LAMA2: variants seen among roughly 807,000 people sequenced by gnomAD.
LAMA2 encodes laminin subunit alpha 2, also known as laminin subunit alpha-2.
In LAMA2, 269 loss-of-function variants were observed where a neutral mutation model predicts 364.8. The ratio of observed to expected loss-of-function variants is 0.74; its 90% confidence interval spans 0.67 to 0.82. The LOEUF (loss-of-function observed/expected upper bound fraction) is 0.82. Among genes scored for constraint, LAMA2 ranks in the 40% least tolerant of loss-of-function variants. The probability of loss-of-function intolerance (pLI) is 0.00; values close to 1 mark genes in which losing one functional copy is unlikely to be tolerated. For missense variants in LAMA2, 3,807 were observed against 3,873.2 expected, an observed-to-expected ratio of 0.98 and a Z score of 0.45; for synonymous variants, 1,379 against 1,370.6, an observed-to-expected ratio of 1.01 and a Z score of -0.14.
At chr6:129,260,631 A>G (rs1787051320) in intron 14 of LAMA2, 80 bp from the exon 15 acceptor site, 1 of 869,108 alleles carries the variant, frequency 1.2e-6, no homozygotes, top group Non-Finnish European at 2.0e-6. Context: ...TATTTATGTC[A>G]TTGTTGCTGT....
At chr6:129,290,009 A>G (rs1008052168) in intron 19 of LAMA2, among the ~76,000 whole-genome samples, 2 of 152,182 alleles carry the variant, frequency 1.3e-5, no homozygotes, top group Non-Finnish European at 2.9e-5. Flanking sequence ...GATTTGTTCA[A>G]GAAAAGTACA....
intron 27 of LAMA2, among the ~76,000 whole-genome samples, chr6:129,320,139 ATAAAT>A (rs1327655259): frequency 6.6e-6 from 1 of 151,484 alleles, no homozygotes; most frequent in African/African-American, 2.4e-5. Context: ...TCTCAAATAA[ATAAAT>A]AAATAAATAA....
chr6:129,479,980 A>G (rs554579760), intron 54 of LAMA2: 3 of 152,302 alleles, frequency 2.0e-5, no homozygotes, highest in Admixed American at 1.3e-4. Context: ...TCTCATTCAC[A>G]TTCAAAAGAT....
chr6:128,897,584 T>G (rs1003115817), intron 1 of LAMA2, among the ~76,000 whole-genome samples: 1 of 152,222 alleles, frequency 6.6e-6, no homozygotes, highest in Non-Finnish European at 1.5e-5. Flanking sequence ...AGTTATTAAC[T>G]TAATCATTAA....
intron 48 of LAMA2, among the ~76,000 whole-genome samples, chr6:129,458,655 G>A (rs897418839): frequency 6.6e-6 from 1 of 151,968 alleles, no homozygotes; most frequent in African/African-American, 2.4e-5. Flanking sequence ...GTGCAAGTCA[G>A]GGGCTCCGAT....
At chr6:129,048,604 T>TTCTC (rs59707849) in intron 1 of LAMA2, among the ~76,000 whole-genome samples, 54 of 133,240 alleles carry the variant, frequency 4.1e-4, no homozygotes, top group African/African-American at 1.4e-3. Context: ...CTTCCTTCCT[T>TTCTC]TCTCTCTCTC....
At chr6:128,927,368 C>T (rs891315390) in intron 1 of LAMA2, among the ~76,000 whole-genome samples, 22 of 152,218 alleles carry the variant, frequency 1.4e-4, no homozygotes, top group Non-Finnish European at 2.4e-4. Flanking sequence ...TTTTTAAATA[C>T]TGGTTTTGAC....
At chr6:128,904,818 T>C (rs953263657) in intron 1 of LAMA2, among the ~76,000 whole-genome samples, 7 of 152,170 alleles carry the variant, frequency 4.6e-5, no homozygotes, top group Admixed American at 1.3e-4. Flanking sequence ...ACATGAAACA[T>C]GTTCTGCATC....
At position 128,903,941 on chromosome 6, in the gene LAMA2, TC is replaced by T. The variant is rs759472438; in HGVS notation, c.112+20586del. Among the ~76,000 whole-genome samples the T allele has an allele frequency of 2.6e-5, 4 of 152,270 alleles. No individual in the cohort carries two copies. The South Asian group carries it at 6.2e-4, about 24-fold the overall frequency. ...CCCTAGCAGAGCTCAGAAGTAGGCA[TC>T]CAGCTGCAGGTAATTGTGTTTTGGG... On this transcript the variant is annotated intron_variant, in intron 1 of 64. Coordinates refer to ENST00000421865, the MANE Select transcript of LAMA2 (RefSeq NM_000426.4).
chr6:129,271,223 G>C (rs908518982), intron 17 of LAMA2, among the ~76,000 whole-genome samples: 4 of 151,990 alleles, frequency 2.6e-5, no homozygotes, highest in Non-Finnish European at 5.9e-5. Context: ...TGACTTTTAA[G>C]TACCCATTCT....
At chr6:129,384,271 A>G (rs1209803159) in intron 35 of LAMA2, among the ~76,000 whole-genome samples, 33 of 152,170 alleles carry the variant, frequency 2.2e-4, no homozygotes, top group Non-Finnish European at 1.5e-5. Context: ...TTTTCCATTA[A>G]TGCTACTTGA....
intron 20 of LAMA2, among the ~76,000 whole-genome samples, chr6:129,294,188 C>A (rs113926742): frequency 6.6e-6 from 1 of 152,144 alleles, no homozygotes; most frequent in African/African-American, 2.4e-5. Context: ...CTTGGCCAAG[C>A]CAATGGGATA....
At chr6:129,042,376 C>A (rs1787164850) in intron 1 of LAMA2, among the ~76,000 whole-genome samples, 1 of 152,034 alleles carries the variant, frequency 6.6e-6, no homozygotes, top group African/African-American at 2.4e-5. Flanking sequence ...TGCTTTATCA[C>A]ATATCTATCC....
intron 3 of LAMA2, among the ~76,000 whole-genome samples, chr6:129,064,375 A>T (rs1789147417): frequency 6.6e-6 from 1 of 151,540 alleles, no homozygotes; most frequent in South Asian, 2.1e-4. Flanking sequence ...AAAAAAAAAA[A>T]AAATGAAGAA....
chr6:129,051,085 G>A (rs1787966123), intron 2 of LAMA2, among the ~76,000 whole-genome samples: 3 of 151,644 alleles, frequency 2.0e-5, no homozygotes, highest in African/African-American at 7.3e-5. Context: ...GTCATCTAAA[G>A]ATTTCTGGCT....
At chr6:129,066,238 G>A (rs986468905) in intron 3 of LAMA2, among the ~76,000 whole-genome samples, 47 of 149,596 alleles carry the variant, frequency 3.1e-4, no homozygotes, top group African/African-American at 1.1e-3. Flanking sequence ...GTAGAGACGG[G>A]GTTTCACCGT....
At chr6:128,906,752 G>A (rs571294621) in intron 1 of LAMA2, among the ~76,000 whole-genome samples, 3 of 151,276 alleles carry the variant, frequency 2.0e-5, no homozygotes, top group African/African-American at 7.3e-5. Flanking sequence ...TTTCTTCTAG[G>A]GTTTTTATGG....
At chr6:129,055,493 CT>C (rs1269420291) in intron 2 of LAMA2, among the ~76,000 whole-genome samples, 1 of 152,050 alleles carries the variant, frequency 6.6e-6, no homozygotes, top group Non-Finnish European at 1.5e-5. Flanking sequence ...CGCGCCTGGC[CT>C]GCATGATTAT....
intron 1 of LAMA2, among the ~76,000 whole-genome samples, chr6:128,914,593 G>A (rs947187298): frequency 6.6e-6 from 1 of 152,054 alleles, no homozygotes; most frequent in Non-Finnish European, 1.5e-5. Context: ...TGTTGCTATA[G>A]CTTTATTTTA....
Sources: allele counts gnomAD v4.1 joint callset (sites outside exome capture counted in the v4.1 genomes callset), GRCh38; gene constraint gnomAD v4.1.1; transcripts MANE v1.5; gene names NCBI Gene and HGNC (gene_info 2026-07-23, HGNC 2026-07-21).